SUGP2: variants seen among roughly 807,000 people sequenced by gnomAD.
SUGP2 encodes the protein SURP and G-patch domain containing 2.
A neutral mutation model predicts 90.5 loss-of-function variants in SUGP2; 24 were observed. That is an observed-to-expected ratio of 0.27 (90% confidence interval 0.19 to 0.37). The LOEUF is 0.37. SUGP2 is among the 10% of genes least tolerant of loss of function. The pLI is 1.00. For missense variants in SUGP2, 1,233 were observed against 1,363.3 expected (o/e 0.90, Z 1.51); for synonymous variants, 473 against 513.4 (o/e 0.92, Z 1.06).
chr19:19,006,589 G>C (rs1219430161), intron 6 of SUGP2, among the ~76,000 whole-genome samples: 1 of 152,146 alleles, frequency 6.6e-6, no homozygotes, highest in Non-Finnish European at 1.5e-5. Flanking sequence ...TGAAAAAAAA[G>C]AAAGTGAAAA....
intron 3 of SUGP2, among the ~76,000 whole-genome samples, chr19:19,022,569 G>A (rs1238250727): frequency 6.6e-6 from 1 of 152,238 alleles, no homozygotes; most frequent in Admixed American, 6.5e-5. Flanking sequence ...GCAGGCGGTA[G>A]CATTTTCAGT....
chr19:19,031,677 TGG>T (rs2059157562), intron 1 of SUGP2, among the ~76,000 whole-genome samples: 1 of 151,872 alleles, frequency 6.6e-6, no homozygotes, highest in South Asian at 2.1e-4. Flanking sequence ...CCCTCCAGAC[TGG>T]GGGACAGAGC....
intron 1 of SUGP2, among the ~76,000 whole-genome samples, chr19:19,031,517 G>C (rs552515471): frequency 6.7e-6 from 1 of 149,350 alleles, no homozygotes; most frequent in East Asian, 2.0e-4. Flanking sequence ...ATGGGTAACA[G>C]AGTGAGACTC....
chr19:19,008,264 CTT>C, intron 6 of SUGP2, 51 bp downstream of exon 6: 1 of 1,431,096 alleles, frequency 7.0e-7, no homozygotes, highest in Non-Finnish European at 9.9e-7. Context: ...CATCCTTAGA[CTT>C]TGTCTCTCTG....
At position 19,026,019 on chromosome 19, in the gene SUGP2, T is replaced by G; in HGVS notation, c.329A>C (p.Asp110Ala). Residue 110 changes from aspartate to alanine, a missense_variant, in exon 3 of 11, where the codon GAT (aspartate) becomes GCT (alanine). Around this residue, in one of 8 missense-constraint regions of SUGP2, gnomAD observed 418 missense variants for 399.9 expected, o/e 1.05. Transcript: ENST00000452918. ...DSYFRKECGR[D>A]LEFSHSDSRD... ...AGAATCAGAGTGAGAAAATTCCAGA[T>G]CCCGGCCACATTCTTTGCGAAAGTA... The G allele has an allele frequency of 6.2e-7, 1 of 1,614,018 alleles. No individual in the cohort carries two copies. The highest frequency in any genetic ancestry group is 8.5e-7 in the Non-Finnish European group (1 of 1,180,014).
rs1599472740 is a variant in SUGP2 at position 19,010,303 on chromosome 19, G to A, written c.1890C>T (p.Tyr630=). Residue 630 remains tyrosine (Y), a synonymous_variant, in exon 5 of 11, where the codon TAC becomes TAT. Coordinates refer to ENST00000452918, the MANE Select transcript of SUGP2 (RefSeq NM_001017392.5). Reference sequence around the variant, plus strand: ...GCTGCATTTCTGCCAACTTCAGCTTGTAATATTTATACTCCAGACTATTTT... The same window carrying A: ...GCTGCATTTCTGCCAACTTCAGCTTATAATATTTATACTCCAGACTATTTT... The part of the protein sequence containing the change: ...SDENSLEYKY[Y]KLKLAEMQRM... The A allele has an allele frequency of 6.2e-7, 1 of 1,613,458 alleles. No homozygotes were observed. Among genetic ancestry groups the A allele is most frequent in the South Asian group, 1.1e-5 (1 of 91,092 alleles).
chr19:19,001,161 G>A (rs1161400217), intron 8 of SUGP2, among the ~76,000 whole-genome samples: 1 of 151,874 alleles, frequency 6.6e-6, no homozygotes, highest in Non-Finnish European at 1.5e-5. Context: ...GACTACAGGC[G>A]CCTGCCACCA....
chr19:19,018,580 G>A (rs961946222), intron 4 of SUGP2, among the ~76,000 whole-genome samples: 7 of 150,482 alleles, frequency 4.7e-5, no homozygotes, highest in African/African-American at 7.3e-5. Flanking sequence ...CCAGCTACTC[G>A]GGAGGCTGAG....
Position 19,004,366 on chromosome 19 carries a change from C to T in SUGP2, c.2731G>A (p.Gly911Arg), listed in dbSNP as rs1242623012. 6.2e-7 allele frequency: 1 copy of T among 1,613,742 alleles called. No homozygotes were observed. Among genetic ancestry groups the T allele is most frequent in the Non-Finnish European group, 8.5e-7 (1 of 1,179,798 alleles). Residue 911 changes from glycine to arginine, a missense_variant, in exon 7 of 11, where the codon GGG becomes AGG. By Grantham distance (125) the Gly-to-Arg change is moderately radical. Transcript: ENST00000452918. ...DGGEEAPAPG[G>R]AGKSEGSTPA... ...GTGCTGCCCTCAGACTTGCCCGCCC[C>T]TCCAGGAGCGGGGGCCTCCTCTCCC...
intron 8 of SUGP2, among the ~76,000 whole-genome samples, chr19:18,998,044 C>T (rs943820755): frequency 2.0e-5 from 3 of 152,276 alleles, no homozygotes; most frequent in Non-Finnish European, 4.4e-5. Flanking sequence ...AAACACCACA[C>T]CTAGAGCCCA....
At chr19:18,997,642 G>A (rs754065097) in intron 8 of SUGP2, among the ~76,000 whole-genome samples, 1 of 151,966 alleles carries the variant, frequency 6.6e-6, no homozygotes, top group Non-Finnish European at 1.5e-5. Flanking sequence ...AATTAGCCAG[G>A]TGTGGTGGCA....
chr19:19,030,360 C>T (rs2059106991), intron 2 of SUGP2, among the ~76,000 whole-genome samples: 2 of 151,508 alleles, frequency 1.3e-5, no homozygotes, highest in African/African-American at 2.4e-5. Context: ...CGTGGTGGTG[C>T]ATGCCCGTAA....
chr19:19,002,440 C>A (rs1049189586), intron 7 of SUGP2, among the ~76,000 whole-genome samples: 2 of 148,624 alleles, frequency 1.3e-5, no homozygotes, highest in Non-Finnish European at 3.0e-5. Context: ...AACCATGCTT[C>A]TCATATAGAG....
rs1444458063 is a variant in SUGP2 at position 18,992,329 on chromosome 19, CG to C, written c.*1411del. On this transcript the variant is annotated 3_prime_UTR_variant, in exon 11 of 11. Coordinates refer to ENST00000452918, the MANE Select transcript of SUGP2 (RefSeq NM_001017392.5). ...CCTCCCAAAGTGCTGGAATTATAGG[CG>C]TGAGTCACCGTGCCGGCCTTTTTTT... is the stretch of plus-strand genomic sequence containing the variant. 2.2e-4 allele frequency: 32 copies of C among 142,472 alleles called. No individual in the cohort carries two copies. In the Admixed American group the frequency reaches 2.4e-3, roughly 10 times the overall value. The allele number at this position is 142,472 out of a possible 1,614,324, so 8.8% of individuals were successfully genotyped here.
rs1186805941 is a variant in SUGP2 at position 19,026,025 on chromosome 19, CCA to C, written c.321_322del (p.Cys107TrpfsTer10). The C allele has an allele frequency of 1.9e-6, 3 of 1,613,976 alleles. No individual in the cohort carries two copies. Among genetic ancestry groups the C allele is most frequent in the Non-Finnish European group, 2.5e-6 (3 of 1,180,024 alleles). On this transcript the variant is annotated frameshift_variant, in exon 3 of 11. Transcript: ENST00000452918. LOFTEE classifies it high-confidence loss of function. ...AGAGTGAGAAAATTCCAGATCCCGG[CCA>C]CATTCTTTGCGAAAGTAGCTGTCAT...
upstream of SUGP2, chr19:19,033,651 A>T: frequency 1.0e-6 from 1 of 984,438 alleles, no homozygotes; most frequent in Non-Finnish European, 1.3e-6. Flanking sequence ...TTCTGGGCGG[A>T]CGCTCTGGAG....
chr19:19,002,517 T>G lies in SUGP2; in HGVS notation c.2930-843A>C, dbSNP rs990940449. Among the ~76,000 whole-genome samples, 18 of 140,948 alleles carry G rather than the reference T, an allele frequency of 1.3e-4. No homozygotes were observed. In the East Asian group the frequency reaches 1.7e-3, roughly 13 times the overall value. 92.5% of individuals were successfully genotyped at this position (140,948 alleles called of 152,430 possible). A position where few individuals can be genotyped will look rare whatever the true frequency, so the allele number is the denominator to read the frequency against. On this transcript the variant is annotated intron_variant, in intron 7 of 10. Coordinates refer to ENST00000452918, the MANE Select transcript of SUGP2 (RefSeq NM_001017392.5). ...GATTAGCAAGTCTGTTTTTTTTTTT[T>G]TTTTTTTTTTTTTGAGACACAGTTT... is the stretch of plus-strand genomic sequence containing the variant.
rs890236533 is a variant in SUGP2, at chr19:19,007,755, C to T, written c.2450+562G>A. On this transcript the variant is annotated intron_variant, in intron 6 of 10. Transcript: ENST00000452918. ...ACAAGCATGAGCCATTGCACCTAGC[C>T]TTTTTTTTTTTTTTTTTTTTTGGAG... 6.9e-4 allele frequency among the ~76,000 whole-genome samples: 78 copies of T among 113,402 alleles called. 3 individuals are homozygous for T. The highest frequency in any genetic ancestry group is 2.6e-3 in the African/African-American group (75 of 28,402). 74.4% of individuals were successfully genotyped at this position (113,402 alleles called of 152,430 possible).
chr19:19,032,230 C>A (rs1017662519), intron 1 of SUGP2, among the ~76,000 whole-genome samples: 1 of 151,120 alleles, frequency 6.6e-6, no homozygotes, highest in African/African-American at 2.4e-5. Flanking sequence ...ATGATCTCGG[C>A]TAACTGCAAC....
Sources: allele counts gnomAD v4.1 joint callset (sites outside exome capture counted in the v4.1 genomes callset), GRCh38; gene constraint gnomAD v4.1.1; regional missense constraint gnomAD v4.1.1; transcripts MANE v1.5; gene names NCBI Gene and HGNC (gene_info 2026-07-23, HGNC 2026-07-21).